Variants in SMAP1 observed in about 807,000 individuals in gnomAD.
The protein encoded by SMAP1 is small ArfGAP 1.
Under a neutral mutation model 58.5 loss-of-function variants are expected in SMAP1, and 24 were observed. That is an observed-to-expected ratio of 0.41 (90% CI 0.30 to 0.58). The LOEUF (loss-of-function observed/expected upper bound fraction) is 0.58. SMAP1 is among the 20% of genes least tolerant of loss of function. The pLI is 0.29. For synonymous variants in SMAP1, 216 were observed against 196.6 expected, an observed-to-expected ratio of 1.10 and a Z score of -0.82; for missense variants, 563 against 566.3, an observed-to-expected ratio of 0.99 and a Z score of 0.06.
intron 1 of SMAP1, among the ~76,000 whole-genome samples, chr6:70,683,580 T>G (rs1766815420): frequency 6.6e-6 from 1 of 152,152 alleles, no homozygotes; most frequent in Admixed American, 6.5e-5. Flanking sequence ...GACCAGTCAT[T>G]GGGCCAAGAG....
chr6:70,773,329 C>T (rs1032683982), intron 3 of SMAP1, 21 bp from the exon 4 acceptor site: 3 of 1,462,516 alleles, frequency 2.1e-6, no homozygotes, highest in Non-Finnish European at 2.8e-6. Flanking sequence ...TCATGCTTTT[C>T]CTTAAGTTAT....
intron 4 of SMAP1, among the ~76,000 whole-genome samples, chr6:70,784,925 A>G (rs1053911527): frequency 6.6e-6 from 1 of 152,198 alleles, no homozygotes; most frequent in Non-Finnish European, 1.5e-5. Context: ...ATACCCAGGA[A>G]TAGAACTCAG....
chr6:70,827,108 C>G, intron 6 of SMAP1, among the ~76,000 whole-genome samples: 1 of 152,112 alleles, frequency 6.6e-6, no homozygotes, highest in Non-Finnish European at 1.5e-5. Flanking sequence ...GGATAGACAG[C>G]TATCCAATTA....
At chr6:70,742,446 G>A (rs892505980) in intron 2 of SMAP1, among the ~76,000 whole-genome samples, 8 of 152,114 alleles carry the variant, frequency 5.3e-5, no homozygotes, top group African/African-American at 9.7e-5. Flanking sequence ...CCTTTACTCC[G>A]GTTCCCAACA....
intron 3 of SMAP1, among the ~76,000 whole-genome samples, chr6:70,757,594 G>A (rs1582124245): frequency 6.6e-6 from 1 of 151,686 alleles, no homozygotes; most frequent in African/African-American, 2.4e-5. Context: ...CCTACAAAAT[G>A]GGAGAAAATT....
intron 4 of SMAP1, among the ~76,000 whole-genome samples, chr6:70,784,938 C>G (rs1004204046): frequency 6.6e-6 from 1 of 152,196 alleles, no homozygotes; most frequent in African/African-American, 2.4e-5. Context: ...GAACTCAGCT[C>G]TGCACCAAGT....
chr6:70,727,130 C>T (rs545568495), intron 1 of SMAP1, among the ~76,000 whole-genome samples: 1 of 151,798 alleles, frequency 6.6e-6, no homozygotes, highest in Admixed American at 6.6e-5. Context: ...TTTTTAAAGA[C>T]AGCGTCTCCC....
chr6:70,854,700 A>AT (rs1463741133), intron 8 of SMAP1, among the ~76,000 whole-genome samples: 4 of 152,116 alleles, frequency 2.6e-5, no homozygotes, highest in Non-Finnish European at 5.9e-5. Context: ...TACAGATTCT[A>AT]TGCATATATT....
intron 1 of SMAP1, among the ~76,000 whole-genome samples, chr6:70,672,923 C>T (rs1319049619): frequency 1.3e-5 from 2 of 152,064 alleles, no homozygotes; most frequent in East Asian, 1.9e-4. Context: ...CCATACGGCC[C>T]TTACTAGATA....
chr6:70,859,663 A>G (rs1189412027), intron 10 of SMAP1: 2 of 257,684 alleles, frequency 7.8e-6, no homozygotes, highest in African/African-American at 2.2e-5. Flanking sequence ...ATTTGACTCC[A>G]GTCTTGAAGA....
intron 3 of SMAP1, among the ~76,000 whole-genome samples, chr6:70,762,344 G>A (rs1034388435): frequency 1.3e-5 from 2 of 152,088 alleles, no homozygotes; most frequent in South Asian, 2.1e-4. Flanking sequence ...GGACAGTTGA[G>A]TGATTGAAAC....
At chr6:70,797,079 A>G (rs1768637110) in intron 5 of SMAP1, among the ~76,000 whole-genome samples, 1 of 152,170 alleles carries the variant, frequency 6.6e-6, no homozygotes, top group South Asian at 2.1e-4. Context: ...AAAAAGAGAA[A>G]TGCTTTAGAA....
At chr6:70,728,313 G>T (rs1253742194) in intron 1 of SMAP1, among the ~76,000 whole-genome samples, 1 of 152,218 alleles carries the variant, frequency 6.6e-6, no homozygotes, top group Non-Finnish European at 1.5e-5. Flanking sequence ...TTCTACAGGA[G>T]AGGCTGAGAA....
intron 1 of SMAP1, among the ~76,000 whole-genome samples, chr6:70,723,891 A>G (rs984621137): frequency 1.3e-5 from 2 of 151,950 alleles, no homozygotes; most frequent in East Asian, 1.9e-4. Flanking sequence ...AAAATAACTT[A>G]TTTTAGAACT....
intron 7 of SMAP1, among the ~76,000 whole-genome samples, chr6:70,849,049 G>C (rs1392157031): frequency 6.6e-6 from 1 of 152,196 alleles, no homozygotes; most frequent in African/African-American, 2.4e-5. Context: ...ATGGAGTAGA[G>C]ACAAAAGAGG....
chr6:70,850,426 T>C (rs1771139570), intron 7 of SMAP1, among the ~76,000 whole-genome samples: 1 of 152,144 alleles, frequency 6.6e-6, no homozygotes, highest in African/African-American at 2.4e-5. Flanking sequence ...AATAGTTGCT[T>C]ATATTCAGCT....
rs550769587 is a variant in SMAP1, at chr6:70,809,136, G to A, written c.576+10399G>A. 2.0e-5 allele frequency among the ~76,000 whole-genome samples: 3 copies of A among 152,186 alleles called. No individual in the cohort carries two copies. In the South Asian group the frequency reaches 6.2e-4, roughly 32 times the overall value. On this transcript the variant is annotated intron_variant, in intron 6 of 10. Coordinates refer to ENST00000370455, the MANE Select transcript of SMAP1 (RefSeq NM_001044305.3). ...AAATCAATTCACAAAGTATATAAAA[G>A]TAGAATAAAAATTCCAGGAAGGAAA...
chr6:70,709,162 G>GT (rs1767956081), intron 1 of SMAP1, among the ~76,000 whole-genome samples: 1 of 151,958 alleles, frequency 6.6e-6, no homozygotes, highest in African/African-American at 2.4e-5. Flanking sequence ...AACCCCATTT[G>GT]TTGAAGAGAC....
chr6:70,757,659 A>C lies in SMAP1; in HGVS notation c.338+2594A>C, dbSNP rs928225484. Among the ~76,000 whole-genome samples the C allele has an allele frequency of 9.2e-5, 14 of 152,082 alleles. No individual in the cohort carries two copies. In the East Asian group the frequency reaches 1.2e-3, roughly 13 times the overall value. ...AATATCCAGAATCTACAATGAACTC[A>C]AACAAATTTACAAGAAAAAAACAAA... On this transcript the variant is annotated intron_variant, in intron 3 of 10. Transcript: ENST00000370455.
Sources: allele counts gnomAD v4.1 joint callset (sites outside exome capture counted in the v4.1 genomes callset), GRCh38; gene constraint gnomAD v4.1.1; transcripts MANE v1.5; gene names NCBI Gene and HGNC (gene_info 2026-07-23, HGNC 2026-07-21).